ZMAT4: variants seen among roughly 807,000 people sequenced by gnomAD.
The protein encoded by ZMAT4 is zinc finger matrin-type 4.
ZMAT4 carries 17 observed loss-of-function variants against 28.7 expected under a neutral mutation model. The ratio of observed to expected loss-of-function variants is 0.59; its 90% CI spans 0.41 to 0.89. The LOEUF is 0.89. Among genes scored for constraint, ZMAT4 ranks in the 40% least tolerant of loss-of-function variants. ZMAT4 has a pLI of 0.00. For synonymous variants in ZMAT4, 117 were observed against 109.2 expected, an observed-to-expected ratio of 1.07 and a Z score of -0.44; for missense variants, 240 against 283.8, an observed-to-expected ratio of 0.85 and a Z score of 1.11.
At chr8:40,744,505 A>C (rs975139663) in intron 3 of ZMAT4, among the ~76,000 whole-genome samples, 1 of 152,186 alleles carries the variant, frequency 6.6e-6, no homozygotes, top group Non-Finnish European at 1.5e-5. Flanking sequence ...ATATTTACCC[A>C]AGGGCTCACC....
intron 5 of ZMAT4, among the ~76,000 whole-genome samples, chr8:40,622,497 A>T (rs1268164094): frequency 6.6e-6 from 1 of 152,218 alleles, no homozygotes; most frequent in Non-Finnish European, 1.5e-5. Context: ...AAGTTGCACA[A>T]ATCTCTTCCC....
chr8:40,770,920 A>C (rs989933519), intron 2 of ZMAT4, among the ~76,000 whole-genome samples: 4 of 152,154 alleles, frequency 2.6e-5, no homozygotes, highest in Admixed American at 6.6e-5. Context: ...AAATTCTATG[A>C]GATTTGGCAC....
chr8:40,665,555 T>C (rs906047303), intron 5 of ZMAT4, among the ~76,000 whole-genome samples: 1 of 152,198 alleles, frequency 6.6e-6, no homozygotes, highest in African/African-American at 2.4e-5. Context: ...AAGTCATGAA[T>C]GTGGGGGAAA....
intron 1 of ZMAT4, among the ~76,000 whole-genome samples, chr8:40,882,259 C>T (rs1818307025): frequency 6.6e-6 from 1 of 152,184 alleles, no homozygotes; most frequent in South Asian, 2.1e-4. Flanking sequence ...TGTTTCTGCT[C>T]TTCCAAGCAT....
At chr8:40,607,412 G>A (rs1805635271) in intron 5 of ZMAT4, among the ~76,000 whole-genome samples, 1 of 152,082 alleles carries the variant, frequency 6.6e-6, no homozygotes, top group South Asian at 2.1e-4. Context: ...TTACAGGCAT[G>A]AGCCACGGTG....
intron 5 of ZMAT4, among the ~76,000 whole-genome samples, chr8:40,609,744 G>A (rs909178670): frequency 6.6e-6 from 1 of 151,972 alleles, no homozygotes; most frequent in Admixed American, 6.6e-5. Flanking sequence ...CTGATCCAGG[G>A]CTCTTTGCTG....
At chr8:40,603,532 C>T (rs1215019078) in intron 5 of ZMAT4, among the ~76,000 whole-genome samples, 1 of 152,194 alleles carries the variant, frequency 6.6e-6, no homozygotes, top group African/African-American at 2.4e-5. Flanking sequence ...GTCATTTTCA[C>T]AATACTGATT....
intron 1 of ZMAT4, among the ~76,000 whole-genome samples, chr8:40,864,500 G>A (rs1817610128): frequency 6.6e-6 from 1 of 152,158 alleles, no homozygotes; most frequent in Admixed American, 6.5e-5. Context: ...GATGATTCTG[G>A]CAGCTAATGC....
chr8:40,855,369 T>C (rs1246756652), intron 1 of ZMAT4, among the ~76,000 whole-genome samples: 1 of 152,128 alleles, frequency 6.6e-6, no homozygotes, highest in Non-Finnish European at 1.5e-5. Context: ...AAAACCCCTC[T>C]GGCTCTCTGT....
intron 3 of ZMAT4, among the ~76,000 whole-genome samples, chr8:40,710,363 G>A (rs1810553421): frequency 6.6e-6 from 1 of 152,042 alleles, no homozygotes; most frequent in Non-Finnish European, 1.5e-5. Flanking sequence ...CTGCGTCTTT[G>A]TGAACCAACA....
rs1171649512 is a variant in ZMAT4 at position 40,756,455 on chromosome 8, T to TATATATATATATAC, written c.192+11185_192+11186insGTATATATATATAT. ...ATATATATATATATATATATATATATATACACACTTGTATACCTGAAAAAG... is the reference window on the plus strand; with the variant it reads ...ATATATATATATATATATATATATATATATATATATATACATACACACTTGTATACCTGAAAAAG... On this transcript the variant is annotated intron_variant, in intron 3 of 6. Coordinates refer to ENST00000297737, the MANE Select transcript of ZMAT4 (RefSeq NM_024645.3). Among the ~76,000 whole-genome samples the TATATATATATATAC allele has an allele frequency of 2.2e-3, 269 of 122,604 alleles. 5 individuals carry two copies. Among genetic ancestry groups the TATATATATATATAC allele is most frequent in the South Asian group, 4.5e-3 (16 of 3,544 alleles). 80.4% of individuals were successfully genotyped at this position (122,604 alleles called of 152,430 possible).
At chr8:40,621,407 A>T (rs190773997) in intron 5 of ZMAT4, among the ~76,000 whole-genome samples, 290 of 152,328 alleles carry the variant, frequency 1.9e-3, no homozygotes, top group Non-Finnish European at 3.3e-3. Context: ...AGTAGGATAC[A>T]GTTCCATCAG....
At chr8:40,599,571 G>C (rs1309027617) in intron 5 of ZMAT4, among the ~76,000 whole-genome samples, 1 of 152,154 alleles carries the variant, frequency 6.6e-6, no homozygotes, top group Non-Finnish European at 1.5e-5. Context: ...GGTAAAAATA[G>C]AGGAACACAT....
chr8:40,886,552 C>T (rs533799325), intron 1 of ZMAT4, among the ~76,000 whole-genome samples: 3 of 152,206 alleles, frequency 2.0e-5, no homozygotes, highest in Admixed American at 1.3e-4. Flanking sequence ...AATGCTTAAA[C>T]ATCTGAAAAC....
intron 3 of ZMAT4, among the ~76,000 whole-genome samples, chr8:40,760,907 G>A (rs1463106389): frequency 1.3e-5 from 2 of 152,096 alleles, no homozygotes; most frequent in Admixed American, 6.6e-5. Flanking sequence ...TCCTGAACCC[G>A]ATACTGCATG....
intron 4 of ZMAT4, among the ~76,000 whole-genome samples, chr8:40,695,754 T>C (rs1008315042): frequency 2.0e-5 from 3 of 149,822 alleles, no homozygotes; most frequent in Non-Finnish European, 3.0e-5. Flanking sequence ...AAGAACTGGT[T>C]TTGCCATGTG....
intron 1 of ZMAT4, among the ~76,000 whole-genome samples, chr8:40,846,470 G>A (rs1042560646): frequency 6.6e-6 from 1 of 152,252 alleles, no homozygotes; most frequent in Non-Finnish European, 1.5e-5. Context: ...CCTGGCTCTG[G>A]ATTCCATAAT....
At chr8:40,801,868 T>G (rs1402214897) in intron 2 of ZMAT4, among the ~76,000 whole-genome samples, 1 of 152,004 alleles carries the variant, frequency 6.6e-6, no homozygotes, top group African/African-American at 2.4e-5. Flanking sequence ...ATGTACAAAA[T>G]AAAGGATACA....
At chr8:40,536,193 A>C (rs920844705) in intron 6 of ZMAT4, among the ~76,000 whole-genome samples, 1 of 152,198 alleles carries the variant, frequency 6.6e-6, no homozygotes, top group African/African-American at 2.4e-5. Context: ...TGGCCAATAA[A>C]TATTCAAGAC....
Sources: allele counts gnomAD v4.1 joint callset (sites outside exome capture counted in the v4.1 genomes callset), GRCh38; gene constraint gnomAD v4.1.1; transcripts MANE v1.5; gene names NCBI Gene and HGNC (gene_info 2026-07-23, HGNC 2026-07-21).